Variants in SLC16A10 observed in about 807,000 individuals in gnomAD.
SLC16A10 encodes the protein monocarboxylate transporter 10.
In SLC16A10, 27 loss-of-function variants were observed where a neutral mutation model predicts 40.0. That is an observed-to-expected ratio of 0.67 (90% CI 0.50 to 0.93). The LOEUF (loss-of-function observed/expected upper bound fraction) is 0.93. Among genes scored for constraint, SLC16A10 ranks in the 40% least tolerant of loss-of-function variants. The pLI, the probability that SLC16A10 is intolerant of heterozygous loss-of-function variation, is 0.00. For missense variants in SLC16A10, 529 were observed against 658.2 expected (o/e 0.80, Z 2.15); for synonymous variants, 213 against 249.8 (o/e 0.85, Z 1.39).
rs994037963 is a variant in SLC16A10, at chr6:111,224,426, A to G, written c.*2191A>G. The stretch of plus-strand genomic sequence containing the variant: ...TTTAGGAAAAAAGTGATCATCTGAA[A>G]CTAAAAGAAATTGCTTGGTTAGTTT... On this transcript the variant is annotated 3_prime_UTR_variant, in exon 6 of 6. Coordinates refer to ENST00000368851, the MANE Select transcript of SLC16A10 (RefSeq NM_018593.5). 1 of 152,200 alleles carries G rather than the reference A, an allele frequency of 6.6e-6. No individual in the cohort carries two copies. The highest frequency in any genetic ancestry group is 1.5e-5 in the Non-Finnish European group (1 of 68,036). The allele number at this position is 152,200 out of a possible 1,614,324, so 9.4% of individuals were successfully genotyped here.
At position 111,088,032 on chromosome 6, in the gene SLC16A10, C is replaced by T. The variant is rs1422541263; in HGVS notation, c.280C>T (p.Leu94Phe). 6.2e-7 allele frequency: 1 copy of T among 1,608,864 alleles called. No individual in the cohort carries two copies. The highest frequency in any genetic ancestry group is 8.5e-7 in the Non-Finnish European group (1 of 1,177,760). ...VFGIQNACGV[L>F]FVSMLETFGS... is the part of the protein sequence containing the mutation. The stretch of plus-strand genomic sequence containing the variant: ...CGGCATCCAGAACGCTTGCGGGGTG[C>T]TCTTCGTGTCCATGCTGGAAACCTT... Residue 94 changes from leucine to phenylalanine, a missense_variant, in exon 1 of 6, where the codon CTC becomes TTC. Physicochemically the swap from Leu to Phe is conservative, Grantham distance 22. Transcript: ENST00000368851.
chr6:111,210,059 G>C (rs1394259017), intron 4 of SLC16A10, among the ~76,000 whole-genome samples: 1 of 152,170 alleles, frequency 6.6e-6, no homozygotes, highest in Non-Finnish European at 1.5e-5. Flanking sequence ...AAAATGATTG[G>C]AAAAGGCATT....
intron 1 of SLC16A10, among the ~76,000 whole-genome samples, chr6:111,118,962 T>A (rs935487947): frequency 3.9e-5 from 6 of 152,146 alleles, no homozygotes; most frequent in Non-Finnish European, 8.8e-5. Flanking sequence ...GCACAGTCAC[T>A]GGAAGGTGTC....
rs555421827 is a variant in SLC16A10, at chr6:111,126,019, T to C, written c.343+37924T>C. The stretch of plus-strand genomic sequence containing the variant: ...ATTAGTAACTTGAGTCAGTAGCGGC[T>C]TTGTTCAAACACAGGCACATGCATA... On this transcript the variant is annotated intron_variant, in intron 1 of 5. Coordinates refer to ENST00000368851, the MANE Select transcript of SLC16A10 (RefSeq NM_018593.5). Among the ~76,000 whole-genome samples, 8 of 152,290 alleles carry C rather than the reference T, an allele frequency of 5.3e-5. No homozygotes were observed. In the South Asian group the frequency reaches 1.7e-3, roughly 32 times the overall value.
chr6:111,097,978 G>A (rs1464711262), intron 1 of SLC16A10, among the ~76,000 whole-genome samples: 2 of 152,100 alleles, frequency 1.3e-5, no homozygotes, highest in East Asian at 1.9e-4. Flanking sequence ...GCAGCTGGGC[G>A]GGGTGGCTCA....
Position 111,223,854 on chromosome 6 carries a change from C to A in SLC16A10, c.*1619C>A, listed in dbSNP as rs1268818534. On this transcript the variant is annotated 3_prime_UTR_variant, in exon 6 of 6. Transcript: ENST00000368851. ...GTGGCTTGCGCCTATAATCCCAGCACTTTGGGAGGCTGAGGAGGGAAGATT... is the reference window on the plus strand; with the variant it reads ...GTGGCTTGCGCCTATAATCCCAGCAATTTGGGAGGCTGAGGAGGGAAGATT... The A allele has an allele frequency of 6.6e-6, 1 of 152,346 alleles. No individual in the cohort carries two copies. The highest frequency in any genetic ancestry group is 1.5e-5 in the Non-Finnish European group (1 of 68,272). 9.4% of individuals were successfully genotyped at this position (152,346 alleles called of 1,614,324 possible).
At chr6:111,203,621 C>G (rs1330845247) in intron 3 of SLC16A10, among the ~76,000 whole-genome samples, 1 of 151,866 alleles carries the variant, frequency 6.6e-6, no homozygotes, top group Non-Finnish European at 1.5e-5. Flanking sequence ...ACTCTGGAGG[C>G]TGAGGGAGGA....
intron 1 of SLC16A10, 106 bp from the exon 2 acceptor site, chr6:111,172,589 A>T (rs1772605270): frequency 7.2e-7 from 1 of 1,395,340 alleles, no homozygotes; most frequent in Non-Finnish European, 9.5e-7. Context: ...CTATACTCAA[A>T]AAAACTAAAA....
At chr6:111,145,328 C>A (rs1029450207) in intron 1 of SLC16A10, among the ~76,000 whole-genome samples, 1 of 152,060 alleles carries the variant, frequency 6.6e-6, no homozygotes, top group African/African-American at 2.4e-5. Context: ...TTGAGCCTAG[C>A]ACGTTGAGGC....
chr6:111,189,347 T>C (rs1772952079), intron 3 of SLC16A10, among the ~76,000 whole-genome samples: 1 of 152,202 alleles, frequency 6.6e-6, no homozygotes, highest in Non-Finnish European at 1.5e-5. Context: ...AAGACAGCTT[T>C]CTATTGCCCT....
intron 1 of SLC16A10, among the ~76,000 whole-genome samples, chr6:111,152,121 G>T (rs1772182892): frequency 6.6e-6 from 1 of 152,146 alleles, no homozygotes; most frequent in African/African-American, 2.4e-5. Flanking sequence ...CATGAATAAA[G>T]CTATATATCC....
intron 1 of SLC16A10, among the ~76,000 whole-genome samples, chr6:111,139,412 C>G (rs543465473): frequency 8.5e-4 from 129 of 152,222 alleles, no homozygotes; most frequent in African/African-American, 2.9e-3. Flanking sequence ...AGTGATTCCC[C>G]TGCCTCAGCC....
chr6:111,153,582 A>G (rs1295460021), intron 1 of SLC16A10, among the ~76,000 whole-genome samples: 1 of 152,148 alleles, frequency 6.6e-6, no homozygotes, highest in Non-Finnish European at 1.5e-5. Flanking sequence ...GGTTGCTTAT[A>G]AGGAGTGATG....
At chr6:111,147,999 C>T (rs186903221) in intron 1 of SLC16A10, among the ~76,000 whole-genome samples, 1 of 152,236 alleles carries the variant, frequency 6.6e-6, no homozygotes, top group Admixed American at 6.5e-5. Context: ...GTGTACCTTC[C>T]CACTACTATA....
intron 3 of SLC16A10, among the ~76,000 whole-genome samples, chr6:111,205,459 T>C (rs1274716408): frequency 2.0e-5 from 3 of 152,180 alleles, no homozygotes; most frequent in Non-Finnish European, 2.9e-5. Flanking sequence ...GTCTCTGTTA[T>C]AAGTACACTA....
At chr6:111,183,179 C>G (rs964302361) in intron 3 of SLC16A10, among the ~76,000 whole-genome samples, 12 of 152,196 alleles carry the variant, frequency 7.9e-5, no homozygotes, top group African/African-American at 2.9e-4. Flanking sequence ...ATCGCTGTCC[C>G]TTGCCCACTC....
At position 111,231,055 on chromosome 6, in the gene SLC16A10, T is replaced by A. The variant is rs1045257457; in HGVS notation, c.*8820T>A. ...TGAAGACTATAATTTACAATTTTTT[T>A]AATAATGTGCAATTTAATATAGATA... On this transcript the variant is annotated 3_prime_UTR_variant, in exon 6 of 6. Transcript: ENST00000368851. The A allele has an allele frequency of 3.3e-5, 5 of 152,212 alleles. No homozygotes were observed. The highest frequency in any genetic ancestry group is 1.3e-4 in the Admixed American group (2 of 15,270). 9.4% of individuals were successfully genotyped at this position (152,212 alleles called of 1,614,324 possible). A position where few individuals can be genotyped will look rare whatever the true frequency, so the allele number is the denominator to read the frequency against.
intron 1 of SLC16A10, among the ~76,000 whole-genome samples, chr6:111,102,118 A>T (rs1030718054): frequency 1.3e-5 from 2 of 152,216 alleles, no homozygotes; most frequent in Non-Finnish European, 2.9e-5. Context: ...GTTGTACAAC[A>T]TATGTAGCAT....
rs907115061 is a variant in SLC16A10, at chr6:111,153,749, T to C, written c.344-18946T>C. Among the ~76,000 whole-genome samples the C allele has an allele frequency of 5.3e-5, 8 of 152,212 alleles. No individual in the cohort carries two copies. The East Asian group carries it at 5.8e-4, about 11-fold the overall frequency. On this transcript the variant is annotated intron_variant, in intron 1 of 5. Coordinates refer to ENST00000368851, the MANE Select transcript of SLC16A10 (RefSeq NM_018593.5). ...GCTTCAAAGATTGAATGAAACCGTA[T>C]ATATAAAGTGCTCCTAAACATCATC...
Sources: gnomAD v4.1 joint callset for allele counts (sites outside exome capture counted in the v4.1 genomes callset) on GRCh38, gnomAD v4.1.1 for gene constraint, MANE v1.5 for transcripts, NCBI Gene and HGNC (gene_info 2026-07-23, HGNC 2026-07-21) for gene names.